MED26: variants seen among roughly 807,000 people sequenced by gnomAD.
MED26 encodes mediator complex subunit 26.
Under a neutral mutation model 43.7 loss-of-function variants are expected in MED26, and 7 were observed. The observed-to-expected ratio is 0.16, with a 90% CI of 0.09 to 0.30. MED26 has a LOEUF of 0.30. Among genes scored for constraint, MED26 ranks in the 10% least tolerant of loss-of-function variants. The pLI is 1.00. For missense variants in MED26, 784 were observed against 840.6 expected (o/e 0.93, Z 0.83); for synonymous variants, 375 against 371.1 (o/e 1.01, Z -0.12).
rs2085989394 is a variant in MED26, at chr19:16,575,562, C to G, written c.*465G>C. 6.0e-6 allele frequency: 1 copy of G among 165,360 alleles called. No homozygotes were observed. Among genetic ancestry groups the G allele is most frequent in the African/African-American group, 2.4e-5 (1 of 41,766 alleles). The allele number at this position is 165,360 out of a possible 1,614,324, so 10.2% of individuals were successfully genotyped here. On this transcript the variant is annotated 3_prime_UTR_variant, in exon 3 of 3. Transcript: ENST00000263390. Reference sequence around the variant, plus strand: ...GAGGCAGTGGCATGGCCCACTGTCTCAAGACACTCAGGGCCAAATTAAAGA... The same window carrying G: ...GAGGCAGTGGCATGGCCCACTGTCTGAAGACACTCAGGGCCAAATTAAAGA...
At chr19:16,619,708 ATGCC>A (rs1467983492) in intron 1 of MED26, among the ~76,000 whole-genome samples, 2 of 152,040 alleles carry the variant, frequency 1.3e-5, no homozygotes, top group Admixed American at 1.3e-4. Flanking sequence ...CCCACTGCTG[ATGCC>A]TGCACCACAG....
At chr19:16,609,334 A>AGAG (rs2086188830) in intron 1 of MED26, among the ~76,000 whole-genome samples, 1 of 139,154 alleles carries the variant, frequency 7.2e-6, no homozygotes, top group Non-Finnish European at 1.6e-5. Context: ...AAAAAAAAAA[A>AGAG]AAAGAGAGAG....
intron 1 of MED26, among the ~76,000 whole-genome samples, chr19:16,612,529 T>G (rs1202337979): frequency 6.6e-6 from 1 of 152,126 alleles, no homozygotes; most frequent in Non-Finnish European, 1.5e-5. Flanking sequence ...CAAGCGATCC[T>G]CCCACCTCGG....
At chr19:16,620,958 C>T (rs2086248947) in intron 1 of MED26, among the ~76,000 whole-genome samples, 1 of 152,122 alleles carries the variant, frequency 6.6e-6, no homozygotes, top group African/African-American at 2.4e-5. Flanking sequence ...AAAAATGAAC[C>T]CTCATACTCA....
chr19:16,583,033 GTACAC>G (rs1357590718), intron 1 of MED26, among the ~76,000 whole-genome samples: 1 of 152,238 alleles, frequency 6.6e-6, no homozygotes, highest in Non-Finnish European at 1.5e-5. Flanking sequence ...ATCTGGGGAA[GTACAC>G]TAGATCCTAA....
chr19:16,604,351 T>A (rs149862136), intron 1 of MED26, among the ~76,000 whole-genome samples: 35 of 152,332 alleles, frequency 2.3e-4, no homozygotes, highest in African/African-American at 7.9e-4. Flanking sequence ...ATAGAAGAAC[T>A]GCATCAGGGA....
At chr19:16,591,400 T>C (rs748103345) in intron 1 of MED26, among the ~76,000 whole-genome samples, 2 of 152,228 alleles carry the variant, frequency 1.3e-5, no homozygotes, top group African/African-American at 4.8e-5. Flanking sequence ...AGTAGGCACC[T>C]GCTTTTTCCT....
intron 1 of MED26, among the ~76,000 whole-genome samples, chr19:16,598,749 C>T (rs913477009): frequency 3.9e-5 from 6 of 152,150 alleles, no homozygotes; most frequent in Non-Finnish European, 5.9e-5. Flanking sequence ...CTGACACTGG[C>T]GCATCAGGCC....
chr19:16,593,385 T>C (rs2086106800), intron 1 of MED26, among the ~76,000 whole-genome samples: 1 of 152,204 alleles, frequency 6.6e-6, no homozygotes, highest in African/African-American at 2.4e-5. Flanking sequence ...CTGCTCAGAC[T>C]TTCTTTAGCC....
intron 1 of MED26, chr19:16,578,794 C>G (rs1249938169): frequency 1.4e-5 from 3 of 215,754 alleles, no homozygotes; most frequent in African/African-American, 7.1e-5. Context: ...CGAATAAAAT[C>G]CACAAAGCTT....
chr19:16,602,385 C>T (rs904559597), intron 1 of MED26, among the ~76,000 whole-genome samples: 8 of 152,218 alleles, frequency 5.3e-5, no homozygotes, highest in Non-Finnish European at 1.0e-4. Context: ...GCCATCCCCA[C>T]TACCCTCTCC....
rs1454328755 is a variant in MED26 at position 16,591,053 on chromosome 19, AAATAAAT to A, written c.73-12651_73-12645del. Reference sequence around the variant, plus strand: ...AGACTTTCTCAAAATAAAATAAAATAAATAAATAAATAAATAAATAAATAAATAAATA... The same window carrying A: ...AGACTTTCTCAAAATAAAATAAAATAAAATAAATAAATAAATAAATAAATA... On this transcript the variant is annotated intron_variant, in intron 1 of 2. Coordinates refer to ENST00000263390, the MANE Select transcript of MED26 (RefSeq NM_004831.5). Among the ~76,000 whole-genome samples, 31 of 14,728 alleles carry A rather than the reference AAATAAAT, an allele frequency of 2.1e-3. No individual in the cohort carries two copies. In the East Asian group the frequency reaches 0.024, roughly 12 times the overall value. The allele number at this position is 14,728 out of a possible 152,430, so 9.7% of individuals were successfully genotyped here. A position where few individuals can be genotyped will look rare whatever the true frequency, so the allele number is the denominator to read the frequency against.
chr19:16,619,734 G>C (rs1465541292), intron 1 of MED26, among the ~76,000 whole-genome samples: 1 of 152,126 alleles, frequency 6.6e-6, no homozygotes, highest in Non-Finnish European at 1.5e-5. Flanking sequence ...ACCCCCACCA[G>C]AGTCAAGGCC....
At chr19:16,589,671 G>C (rs2086087229) in intron 1 of MED26, among the ~76,000 whole-genome samples, 2 of 152,158 alleles carry the variant, frequency 1.3e-5, no homozygotes, top group Non-Finnish European at 2.9e-5. Context: ...CCTTAACCTG[G>C]GTGGACTGGG....
At chr19:16,614,737 T>C (rs982637297) in intron 1 of MED26, among the ~76,000 whole-genome samples, 34 of 152,244 alleles carry the variant, frequency 2.2e-4, no homozygotes, top group Admixed American at 1.7e-3. Context: ...CATGCCAGTA[T>C]GGCTCCAACA....
At chr19:16,591,439 C>A (rs984623880) in intron 1 of MED26, among the ~76,000 whole-genome samples, 3 of 152,224 alleles carry the variant, frequency 2.0e-5, no homozygotes, top group African/African-American at 7.2e-5. Context: ...CACCCACAAA[C>A]ACTTGTGCAC....
chr19:16,625,835 G>A (rs923006492), intron 1 of MED26, among the ~76,000 whole-genome samples: 4 of 152,158 alleles, frequency 2.6e-5, no homozygotes, highest in Non-Finnish European at 4.4e-5. Context: ...CGCTCAGAGG[G>A]TCAATCACAA....
chr19:16,584,538 C>T (rs368044449), intron 1 of MED26, among the ~76,000 whole-genome samples: 2 of 152,176 alleles, frequency 1.3e-5, no homozygotes, highest in African/African-American at 2.4e-5. Flanking sequence ...CTGGGTCAGG[C>T]GCCTGGAGCT....
At chr19:16,605,102 T>C (rs1377771717) in intron 1 of MED26, among the ~76,000 whole-genome samples, 1 of 151,870 alleles carries the variant, frequency 6.6e-6, no homozygotes, top group Non-Finnish European at 1.5e-5. Flanking sequence ...TCAACTGGAG[T>C]AGTTACACAG....
Sources: gnomAD v4.1 joint callset for allele counts (sites outside exome capture counted in the v4.1 genomes callset) on GRCh38, gnomAD v4.1.1 for gene constraint, MANE v1.5 for transcripts, NCBI Gene and HGNC (gene_info 2026-07-23, HGNC 2026-07-21) for gene names.